Variants in AKAP9 observed in about 807,000 individuals in gnomAD.
AKAP9 encodes the protein A-kinase anchor protein 9.
A neutral mutation model predicts 488.5 loss-of-function variants in AKAP9; 311 were observed. The observed-to-expected ratio is 0.64, with a 90% CI of 0.58 to 0.70. AKAP9 has a LOEUF of 0.70. AKAP9 is among the 30% of genes least tolerant of loss of function. The pLI is 0.00. For missense variants in AKAP9, 4,215 were observed against 4,374.5 expected (o/e 0.96, Z 1.03); for synonymous variants, 1,462 against 1,483.5 (o/e 0.99, Z 0.33).
chr7:92,095,855 A>G (rs1402934586), intron 40 of AKAP9, among the ~76,000 whole-genome samples: 1 of 152,196 alleles, frequency 6.6e-6, no homozygotes, highest in East Asian at 1.9e-4. Context: ...CCCGGCAGGG[A>G]CATGATATCT....
At chr7:92,102,919 CTA>C in intron 46 of AKAP9, 93 bp downstream of exon 46, 1 of 1,128,574 alleles carries the variant, frequency 8.9e-7, no homozygotes, top group East Asian at 2.5e-5. Context: ...TGGTTATACT[CTA>C]TATTTATATA....
chr7:92,083,712 A>G (rs1233170062), intron 33 of AKAP9, 57 bp downstream of exon 33: 4 of 1,570,704 alleles, frequency 2.5e-6, no homozygotes, highest in Non-Finnish European at 3.5e-6. Flanking sequence ...TAAAAAAAAA[A>G]AATCAGTTTA....
intron 15 of AKAP9, 68 bp from the exon 16 acceptor site, chr7:92,031,444 G>T (rs777793681): frequency 7.6e-5 from 85 of 1,117,276 alleles, no homozygotes; most frequent in Non-Finnish European, 1.1e-4. Context: ...AGATTTTGAG[G>T]TAGAAGTTTA....
At chr7:92,080,463 T>C (rs1289943190) in intron 31 of AKAP9, among the ~76,000 whole-genome samples, 1 of 151,798 alleles carries the variant, frequency 6.6e-6, no homozygotes, top group East Asian at 1.9e-4. Context: ...CCGGGCGTGG[T>C]GGTGGGTGCC....
At chr7:91,971,982 CTTTTTTTTTT>C (rs71107846) in intron 1 of AKAP9, among the ~76,000 whole-genome samples, 1 of 91,886 alleles carries the variant, frequency 1.1e-5, no homozygotes, top group African/African-American at 4.5e-5. Context: ...TTTTGCCTCT[CTTTTTTTTTT>C]TTTTTTTTTT....
chr7:92,011,529 T>C (rs1800739323), intron 8 of AKAP9, among the ~76,000 whole-genome samples: 1 of 152,176 alleles, frequency 6.6e-6, no homozygotes, highest in African/African-American at 2.4e-5. Flanking sequence ...GATTGTAAAA[T>C]TGATATAGAC....
chr7:92,064,285 T>C (rs994445718), intron 24 of AKAP9, among the ~76,000 whole-genome samples: 2 of 152,006 alleles, frequency 1.3e-5, no homozygotes, highest in African/African-American at 4.8e-5. Context: ...TTTCTAGAGA[T>C]TCCTAGTCCT....
chr7:92,085,039 G>A lies in AKAP9; in HGVS notation c.8832+99G>A, dbSNP rs1043873642. 25 of 1,373,666 alleles carry A rather than the reference G, an allele frequency of 1.8e-5. No individual in the cohort carries two copies. In the African/African-American group the frequency reaches 2.7e-4, roughly 15 times the overall value. The allele number at this position is 1,373,666 out of a possible 1,614,324, so 85.1% of individuals were successfully genotyped here. On this transcript the variant is annotated intron_variant, in intron 35 of 49. Transcript: ENST00000356239. ...GTTATATGGTGGGATCATTTCTGAA[G>A]AGAGAATTGCTTAGCTAGAAGGAAT... is the stretch of plus-strand genomic sequence containing the variant.
chr7:92,095,509 A>G (rs1307065125), intron 40 of AKAP9, among the ~76,000 whole-genome samples: 1 of 152,188 alleles, frequency 6.6e-6, no homozygotes, highest in Non-Finnish European at 1.5e-5. Flanking sequence ...GTTTTCTCCT[A>G]GGGAAGAGGA....
In AKAP9 at chr7:92,002,924, C is replaced by T. The variant is rs1351580902; in HGVS notation, c.3007C>T (p.His1003Tyr). The change falls in exon 8 of 50, where the codon CAC (histidine) becomes TAC (tyrosine). Residue 1003 changes from histidine to tyrosine, a missense_variant. Transcript: ENST00000356239. ...TAGAGAGCTAGAAATCATTATTAACCACAACAGGGCAGAAAATGTACAGTC... is the reference window on the plus strand; with the variant it reads ...TAGAGAGCTAGAAATCATTATTAACTACAACAGGGCAGAAAATGTACAGTC... ...RCRELEIIIN[H>Y]NRAENVQSCD... is the part of the protein sequence containing the mutation. 6.2e-7 allele frequency: 1 copy of T among 1,611,344 alleles called. No homozygotes were observed. Among genetic ancestry groups the T allele is most frequent in the Non-Finnish European group, 8.5e-7 (1 of 1,179,052 alleles).
chr7:91,990,708 T>C (rs939516264), intron 3 of AKAP9, among the ~76,000 whole-genome samples: 1 of 152,128 alleles, frequency 6.6e-6, no homozygotes, highest in Non-Finnish European at 1.5e-5. Context: ...CTGACAGTTA[T>C]TACAAACTGA....
chr7:92,043,442 C>A, intron 20 of AKAP9: 1 of 646,034 alleles, frequency 1.5e-6, no homozygotes, highest in Non-Finnish European at 1.9e-6. Context: ...TATTATTTAT[C>A]TCTAATTGGT....
chr7:91,946,634 A>G (rs540802965), intron 1 of AKAP9, among the ~76,000 whole-genome samples: 1 of 152,262 alleles, frequency 6.6e-6, no homozygotes, highest in African/African-American at 2.4e-5. Flanking sequence ...TTAACCTCCC[A>G]AAGTGCCGAG....
intron 1 of AKAP9, among the ~76,000 whole-genome samples, chr7:91,963,198 G>C (rs1237708257): frequency 6.6e-6 from 1 of 152,060 alleles, no homozygotes; most frequent in African/African-American, 2.4e-5. Flanking sequence ...ACCCTCCAAA[G>C]TAGTTTAAGT....
intron 1 of AKAP9, among the ~76,000 whole-genome samples, chr7:91,955,856 A>T (rs567548208): frequency 1.3e-5 from 2 of 151,954 alleles, no homozygotes; most frequent in East Asian, 3.9e-4. Context: ...CTGGTCTCGA[A>T]CTCCTGACCT....
In AKAP9 at chr7:91,998,418, C is replaced by CTTTTTTTTTTTT. The variant is rs60778133; in HGVS notation, c.931-2404_931-2393dup. Among the ~76,000 whole-genome samples, 21 of 53,994 alleles carry CTTTTTTTTTTTT rather than the reference C, an allele frequency of 3.9e-4. 4 individuals are homozygous for CTTTTTTTTTTTT. Among genetic ancestry groups the CTTTTTTTTTTTT allele is most frequent in the Non-Finnish European group, 5.9e-4 (15 of 25,224 alleles). The allele number at this position is 53,994 out of a possible 152,430, so 35.4% of individuals were successfully genotyped here. On this transcript the variant is annotated intron_variant, in intron 7 of 49. Transcript: ENST00000356239. ...AGATAGTGTATTCAACCACAGGGCTCTTTTTTTTTTTTTTTTTTTTTTTTT... is the reference window on the plus strand; with the variant it reads ...AGATAGTGTATTCAACCACAGGGCTCTTTTTTTTTTTTTTTTTTTTTTTTTTTTTTTTTTTTT...
chr7:92,066,323 T>G, intron 25 of AKAP9, 104 bp from the exon 26 acceptor site: 1 of 1,421,608 alleles, frequency 7.0e-7, no homozygotes, highest in Middle Eastern at 1.8e-4. Context: ...ATCAGTCCTT[T>G]GTCTTCAAAC....
At position 92,002,413 on chromosome 7, in the gene AKAP9, C is replaced by T. The variant is rs1799285032; in HGVS notation, c.2496C>T (p.Leu832=). ...IEILIEENED[L]KQQCIQLNEE... ...TACTTATAGAGGAAAATGAGGACCT[C>T]AAACAACAATGTATTCAGCTAAATG... Residue 832 remains leucine (L), a synonymous_variant, in exon 8 of 50, where the codon CTC becomes CTT. Coordinates refer to ENST00000356239, the MANE Select transcript of AKAP9 (RefSeq NM_005751.5). 6.2e-7 allele frequency: 1 copy of T among 1,609,816 alleles called. No homozygotes were observed.
At chr7:92,032,606 G>C (rs1214224344) in intron 16 of AKAP9, among the ~76,000 whole-genome samples, 2 of 152,022 alleles carry the variant, frequency 1.3e-5, no homozygotes, top group Admixed American at 6.5e-5. Context: ...TGGAATATGT[G>C]CATTTTAAAG....
Sources: allele counts gnomAD v4.1 joint callset (sites outside exome capture counted in the v4.1 genomes callset), GRCh38; gene constraint gnomAD v4.1.1; transcripts MANE v1.5; gene names NCBI Gene and HGNC (gene_info 2026-07-23, HGNC 2026-07-21).